ZNF254: variants seen among roughly 807,000 people sequenced by gnomAD.
ZNF254 encodes the protein CTD-2017D11.1.
ZNF254 carries 10 observed loss-of-function variants against 12.4 expected under a neutral mutation model. That is an observed-to-expected ratio of 0.80 (90% CI 0.50 to 1.36). The LOEUF (loss-of-function observed/expected upper bound fraction) is 1.36. Among genes scored for constraint, ZNF254 ranks in the 40% most tolerant of loss-of-function variants. The pLI is 0.00. For missense variants in ZNF254, 996 were observed against 763.9 expected (o/e 1.30, Z -3.58); for synonymous variants, 305 against 253.4 (o/e 1.20, Z -1.93).
chr19:24,079,775 T>G (rs1971784467), intron 2 of ZNF254: 1 of 152,174 alleles, frequency 6.6e-6, no homozygotes, highest in Non-Finnish European at 1.5e-5. Context: ...ACAGGAGGTA[T>G]AGCAGTTCCA....
At chr19:24,113,007 A>G (rs1395958404) in intron 3 of ZNF254, among the ~76,000 whole-genome samples, 1 of 152,212 alleles carries the variant, frequency 6.6e-6, no homozygotes, top group Non-Finnish European at 1.5e-5. Flanking sequence ...TGAAGAGACC[A>G]ATAAAAGGAG....
At chr19:24,103,190 TTG>T (rs1973133627) in intron 1 of ZNF254, among the ~76,000 whole-genome samples, 1 of 152,214 alleles carries the variant, frequency 6.6e-6, no homozygotes, top group African/African-American at 2.4e-5. Context: ...TAGAGAATGG[TTG>T]TCTTCATTTG....
chr19:24,073,209 G>A (rs1971542211), intron 2 of ZNF254, among the ~76,000 whole-genome samples: 2 of 152,210 alleles, frequency 1.3e-5, no homozygotes, highest in South Asian at 2.1e-4. Flanking sequence ...CCCATGGACA[G>A]TGCCCACTGG....
chr19:24,061,917 C>T (rs938443979), intron 2 of ZNF254, among the ~76,000 whole-genome samples: 4 of 151,964 alleles, frequency 2.6e-5, no homozygotes, highest in African/African-American at 4.8e-5. Context: ...AACCCTGTCT[C>T]TACTAAAAAT....
At chr19:24,125,222 CTT>C (rs764449404) in intron 3 of ZNF254, among the ~76,000 whole-genome samples, 27 of 130,672 alleles carry the variant, frequency 2.1e-4, no homozygotes, top group Admixed American at 3.0e-4. Context: ...ATTTTTACAT[CTT>C]TTTTTTTTTT....
chr19:24,100,296 A>T (rs978197398), intron 1 of ZNF254, among the ~76,000 whole-genome samples: 12 of 151,862 alleles, frequency 7.9e-5, no homozygotes. Context: ...TCTCGCTAAA[A>T]TGCTCACAAT....
chr19:24,059,685 G>C (rs1413690343), intron 2 of ZNF254, among the ~76,000 whole-genome samples: 1 of 152,182 alleles, frequency 6.6e-6, no homozygotes, highest in East Asian at 1.9e-4. Flanking sequence ...CATGGGCTTT[G>C]CCTACAGGGG....
intron 2 of ZNF254, among the ~76,000 whole-genome samples, chr19:24,063,504 T>C (rs1316419106): frequency 6.6e-6 from 1 of 152,226 alleles, no homozygotes; most frequent in East Asian, 1.9e-4. Flanking sequence ...GCCTATGTTA[T>C]GTTTATCTTT....
At chr19:24,092,467 T>TG (rs1448135940) in intron 1 of ZNF254, among the ~76,000 whole-genome samples, 1 of 152,008 alleles carries the variant, frequency 6.6e-6, no homozygotes, top group African/African-American at 2.4e-5. Flanking sequence ...GCCATCACGC[T>TG]GGGCCAAGCA....
intron 3 of ZNF254, among the ~76,000 whole-genome samples, chr19:24,113,591 A>C (rs948469622): frequency 3.9e-5 from 6 of 152,176 alleles, no homozygotes; most frequent in Non-Finnish European, 5.9e-5. Flanking sequence ...CTGAATGGGC[A>C]AAAACTGGAA....
intron 1 of ZNF254, among the ~76,000 whole-genome samples, chr19:24,092,419 C>T (rs1972446973): frequency 6.6e-6 from 1 of 151,920 alleles, no homozygotes; most frequent in African/African-American, 2.4e-5. Context: ...ATCCACCCTC[C>T]CCCCCGGCCT....
At chr19:24,067,395 G>T (rs893074809) in intron 2 of ZNF254, among the ~76,000 whole-genome samples, 4 of 151,746 alleles carry the variant, frequency 2.6e-5, no homozygotes, top group African/African-American at 9.7e-5. Context: ...TAAATGACAG[G>T]ACTCTTTTTA....
intron 2 of ZNF254, among the ~76,000 whole-genome samples, chr19:24,068,782 T>C (rs1031384865): frequency 5.9e-5 from 9 of 152,194 alleles, no homozygotes; most frequent in African/African-American, 1.9e-4. Flanking sequence ...TTGGGACATA[T>C]ATCTTGCTTC....
Position 24,105,979 on chromosome 19 carries a change from C to G in ZNF254, c.70C>G (p.Leu24Val), listed in dbSNP as rs762561305. 35 of 1,599,534 alleles carry G rather than the reference C, an allele frequency of 2.2e-5. No homozygotes were observed. In the East Asian group the frequency reaches 4.0e-4, roughly 19 times the overall value. ...TAGGGATGTGGCCATAGAATTCTCT[C>G]TGGAGGAGTGGCAACACCTGGACAT... ...TFRDVAIEFS[L>V]EEWQHLDIAQ... is the part of the protein sequence containing the mutation. The change falls in exon 2 of 4, where the codon CTG (leucine) becomes GTG (valine). Residue 24 changes from leucine to valine, a missense_variant. Coordinates refer to ENST00000357002, the MANE Select transcript of ZNF254 (RefSeq NM_203282.4).
rs368728416 is a variant in ZNF254, at chr19:24,106,032, G to C, written c.123G>C (p.Val41=). 1.3e-6 allele frequency: 2 copies of C among 1,598,242 alleles called. No individual in the cohort carries two copies. Among genetic ancestry groups the C allele is most frequent in the East Asian group, 2.3e-5 (1 of 44,416 alleles). The change falls in exon 2 of 4, where the codon GTG becomes GTC. Residue 41 remains valine (V), a synonymous_variant. Coordinates refer to ENST00000357002, the MANE Select transcript of ZNF254 (RefSeq NM_203282.4). ...DIAQQNLYRN[V]MLENYRNLAF... ...CACAGCAGAATTTATATAGAAATGT[G>C]ATGTTAGAGAACTACAGAAACCTGG...
intron 2 of ZNF254, among the ~76,000 whole-genome samples, chr19:24,060,432 C>T (rs533690386): frequency 6.6e-6 from 1 of 152,120 alleles, no homozygotes; most frequent in Non-Finnish European, 1.5e-5. Flanking sequence ...ACTACAGTGC[C>T]CAGCATCAAT....
At chr19:24,064,621 G>A (rs1033749367) in intron 2 of ZNF254, 1 of 152,170 alleles carries the variant, frequency 6.6e-6, no homozygotes, top group African/African-American at 2.4e-5. Flanking sequence ...TCATCTCCCA[G>A]GTTCAAGCAA....
At chr19:24,088,593 T>A (rs1268534930) in intron 1 of ZNF254, among the ~76,000 whole-genome samples, 1 of 152,188 alleles carries the variant, frequency 6.6e-6, no homozygotes, top group Non-Finnish European at 1.5e-5. Context: ...TAATTCACTT[T>A]ATCATCTATT....
At chr19:24,100,684 T>C (rs1406715504) in intron 1 of ZNF254, among the ~76,000 whole-genome samples, 5 of 63,450 alleles carry the variant, frequency 7.9e-5, no homozygotes, top group Admixed American at 1.3e-4. Flanking sequence ...CTCTCTCTCT[T>C]TTTTTTTTTT....
Sources: allele counts gnomAD v4.1 joint callset (sites outside exome capture counted in the v4.1 genomes callset), GRCh38; gene constraint gnomAD v4.1.1; transcripts MANE v1.5; gene names NCBI Gene and HGNC (gene_info 2026-07-23, HGNC 2026-07-21).